The following SWAP70 variants were observed in gnomAD, a reference collection of about 807,000 sequenced individuals.
SWAP70 encodes the protein switch-associated protein 70.
SWAP70 carries 34 observed loss-of-function variants against 80.2 expected under a neutral mutation model. The observed-to-expected ratio is 0.42, with a 90% CI of 0.32 to 0.56. The LOEUF (loss-of-function observed/expected upper bound fraction) is 0.56. Among genes scored for constraint, SWAP70 ranks in the 20% least tolerant of loss-of-function variants. The pLI, the probability that SWAP70 is intolerant of heterozygous loss-of-function variation, is 0.09. For missense variants in SWAP70, 578 were observed against 690.7 expected, an observed-to-expected ratio of 0.84 and a Z score of 1.83; for synonymous variants, 239 against 238.5, an observed-to-expected ratio of 1.00 and a Z score of -0.02.
chr11:9,675,390 AG>A lies in SWAP70; in HGVS notation c.99+11113del, dbSNP rs1565111757. Among the ~76,000 whole-genome samples, 3 of 116,782 alleles carry A rather than the reference AG, an allele frequency of 2.6e-5. 1 individual carries two copies. The highest frequency in any genetic ancestry group is 8.9e-3 in the Middle Eastern group (2 of 224). The allele number at this position is 116,782 out of a possible 152,430, so 76.6% of individuals were successfully genotyped here. A position where few individuals can be genotyped will look rare whatever the true frequency, so the allele number is the denominator to read the frequency against. On this transcript the variant is annotated intron_variant, in intron 1 of 11. Transcript: ENST00000318950. ...GAGAGAGAGAGAGAGAGAGAGAGAG[AG>A]AGAGAGAGAGAGAGAGAGAGAGAGA...
chr11:9,700,741 A>G (rs1850820774), intron 2 of SWAP70, among the ~76,000 whole-genome samples: 1 of 152,188 alleles, frequency 6.6e-6, no homozygotes, highest in Non-Finnish European at 1.5e-5. Context: ...CCAATGTCTC[A>G]TATTTGGATA....
chr11:9,673,109 G>A (rs2134422125), intron 1 of SWAP70, among the ~76,000 whole-genome samples: 1 of 152,274 alleles, frequency 6.6e-6, no homozygotes, highest in Middle Eastern at 3.4e-3. Context: ...GACAGTGTCA[G>A]ATCCCACAGA....
At chr11:9,703,763 T>A (rs1850863883) in intron 2 of SWAP70, among the ~76,000 whole-genome samples, 1 of 152,180 alleles carries the variant, frequency 6.6e-6, no homozygotes, top group Admixed American at 6.5e-5. Context: ...CACAATGATT[T>A]GAATGAATGA....
chr11:9,703,592 G>T (rs987186797), intron 2 of SWAP70: 11 of 420,554 alleles, frequency 2.6e-5, no homozygotes, highest in Non-Finnish European at 4.8e-5. Flanking sequence ...TGTGTTTCCC[G>T]CAGCAGCCTG....
intron 9 of SWAP70, 79 bp from the exon 10 acceptor site, chr11:9,747,779 C>A: frequency 7.3e-7 from 1 of 1,368,182 alleles, no homozygotes; most frequent in Non-Finnish European, 1.0e-6. Flanking sequence ...ATTCTCTTGT[C>A]TAAAATGCTT....
intron 9 of SWAP70, among the ~76,000 whole-genome samples, chr11:9,743,011 T>G (rs1177240729): frequency 6.6e-6 from 1 of 150,548 alleles, no homozygotes; most frequent in African/African-American, 2.4e-5. Context: ...AACTCGTCAT[T>G]TAGCATTAGG....
At chr11:9,715,784 C>T (rs183548807) in intron 3 of SWAP70, among the ~76,000 whole-genome samples, 3 of 152,332 alleles carry the variant, frequency 2.0e-5, no homozygotes, top group East Asian at 1.9e-4. Context: ...CTCACAACAC[C>T]TGGGAATTCA....
At chr11:9,700,279 G>T (rs149338892) in intron 2 of SWAP70, among the ~76,000 whole-genome samples, 2 of 152,126 alleles carry the variant, frequency 1.3e-5, no homozygotes, top group Non-Finnish European at 2.9e-5. Flanking sequence ...GTGAGCCCTT[G>T]TTTATTATTG....
chr11:9,719,963 C>T (rs779694839), intron 3 of SWAP70: 3 of 498,128 alleles, frequency 6.0e-6, no homozygotes, highest in Non-Finnish European at 7.8e-6. Flanking sequence ...GAACTGAAGG[C>T]CTCGAAAATC....
At chr11:9,734,209 C>T (rs185114659) in intron 7 of SWAP70, among the ~76,000 whole-genome samples, 4 of 152,188 alleles carry the variant, frequency 2.6e-5, no homozygotes, top group African/African-American at 9.7e-5. Flanking sequence ...TCCCTCATCC[C>T]TAACCCCTGG....
intron 2 of SWAP70, among the ~76,000 whole-genome samples, chr11:9,694,523 A>T (rs1475349009): frequency 6.6e-6 from 1 of 152,300 alleles, no homozygotes; most frequent in Non-Finnish European, 1.5e-5. Flanking sequence ...GAAATTAAGA[A>T]CTGTGTTTTG....
intron 1 of SWAP70, among the ~76,000 whole-genome samples, chr11:9,671,601 TTTATATAG>T (rs1336072092): frequency 3.1e-4 from 4 of 13,044 alleles, no homozygotes; most frequent in Non-Finnish European, 1.5e-3. Flanking sequence ...TATAAATATA[TTTATATAG>T]AAATATATTT....
At position 9,751,811 on chromosome 11, in the gene SWAP70, C is replaced by T. The variant is rs144366463; in HGVS notation, c.*1841C>T. The T allele has an allele frequency of 6.6e-6, 1 of 151,928 alleles. No homozygotes were observed. The highest frequency in any genetic ancestry group is 2.4e-5 in the African/African-American group (1 of 41,420). 9.4% of individuals were successfully genotyped at this position (151,928 alleles called of 1,614,324 possible). ...TTTTGGCTGTTTAATAAAAATGTAA[C>T]TTTAACGGTTTCTTATAGTTGCCTT... On this transcript the variant is annotated 3_prime_UTR_variant, in exon 12 of 12. Transcript: ENST00000318950.
intron 3 of SWAP70, among the ~76,000 whole-genome samples, chr11:9,723,929 G>A (rs775136064): frequency 1.3e-5 from 2 of 152,060 alleles, no homozygotes; most frequent in African/African-American, 2.4e-5. Context: ...TGCGCCACAT[G>A]CCTGGCTAAC....
chr11:9,729,007 A>G (rs1270833643), intron 5 of SWAP70, among the ~76,000 whole-genome samples: 7 of 152,202 alleles, frequency 4.6e-5, no homozygotes, highest in Non-Finnish European at 1.0e-4. Flanking sequence ...TTCATATCCC[A>G]TAGGAGTTAA....
chr11:9,668,154 A>G (rs190218355), intron 1 of SWAP70, among the ~76,000 whole-genome samples: 2 of 152,156 alleles, frequency 1.3e-5, no homozygotes, highest in African/African-American at 2.4e-5. Context: ...CTCCCAAAGC[A>G]TTGGGATTAT....
intron 9 of SWAP70, among the ~76,000 whole-genome samples, chr11:9,745,710 A>G (rs560327808): frequency 6.6e-6 from 1 of 152,354 alleles, no homozygotes; most frequent in Non-Finnish European, 1.5e-5. Context: ...TAATACACTA[A>G]TAAACCTTTG....
chr11:9,744,497 A>G (rs1851485549), intron 9 of SWAP70, among the ~76,000 whole-genome samples: 1 of 152,226 alleles, frequency 6.6e-6, no homozygotes, highest in South Asian at 2.1e-4. Context: ...TTAAATTATG[A>G]TTGACTATAG....
intron 1 of SWAP70, chr11:9,681,361 GATGTC>G: frequency 6.6e-6 from 1 of 152,336 alleles, no homozygotes; most frequent in East Asian, 1.9e-4. Flanking sequence ...CTACATTTTA[GATGTC>G]ATTGAATGTT....
Sources: allele counts gnomAD v4.1 joint callset (sites outside exome capture counted in the v4.1 genomes callset), GRCh38; gene constraint gnomAD v4.1.1; transcripts MANE v1.5; gene names NCBI Gene and HGNC (gene_info 2026-07-23, HGNC 2026-07-21).